CMYA5: variants seen among roughly 807,000 people sequenced by gnomAD.
The protein encoded by CMYA5 is cardiomyopathy associated 5.
A neutral mutation model predicts 318.9 loss-of-function variants in CMYA5; 246 were observed. The observed-to-expected ratio is 0.77, with a 90% CI of 0.70 to 0.86. The LOEUF is 0.86. Ranked by LOEUF, CMYA5 falls within the 40% of genes least tolerant of loss-of-function variation. The pLI is 0.00. For missense variants in CMYA5, 4,589 were observed against 4,678.2 expected, an observed-to-expected ratio of 0.98 and a Z score of 0.56; for synonymous variants, 1,641 against 1,729.5, an observed-to-expected ratio of 0.95 and a Z score of 1.27.
intron 3 of CMYA5, 90 bp downstream of exon 3, chr5:79,744,012 T>C: frequency 1.6e-6 from 1 of 614,262 alleles, no homozygotes; most frequent in Non-Finnish European, 2.7e-6. Context: ...GACTTGGGGA[T>C]TTTATGCGCA....
chr5:79,729,136 T>C lies in CMYA5; in HGVS notation c.371T>C (p.Ile124Thr), dbSNP rs752109896. ...TCTCCTCCTGGAAATGTTTCCTTTA[T>C]TGTGGATGAAGTGAAAAAGGTTCGG... ...VNSPPGNVSF[I>T]VDEVKKVRKR... Residue 124 changes from isoleucine to threonine, a missense_variant, in exon 2 of 13, where the codon ATT (isoleucine) becomes ACT (threonine). Coordinates refer to ENST00000446378, the MANE Select transcript of CMYA5 (RefSeq NM_153610.5). 4.3e-6 allele frequency: 7 copies of C among 1,613,180 alleles called. No individual in the cohort carries two copies. The highest frequency in any genetic ancestry group is 4.5e-5 in the East Asian group (2 of 44,884).
chr5:79,739,585 T>C (rs1429610238), intron 2 of CMYA5, among the ~76,000 whole-genome samples, 182 bp downstream of exon 2: 1 of 152,170 alleles, frequency 6.6e-6, no homozygotes, highest in Non-Finnish European at 1.5e-5. Flanking sequence ...CAGACATTCA[T>C]TGAGTACAGC....
Position 79,736,680 on chromosome 5 carries a change from G to C in CMYA5, c.7915G>C (p.Ala2639Pro), listed in dbSNP as rs760250615. 13 of 1,613,468 alleles carry C rather than the reference G, an allele frequency of 8.1e-6. No homozygotes were observed. In the Middle Eastern group the frequency reaches 5.0e-4, roughly 61 times the overall value. ...VEKTKTFLPV[A>P]LSCRDEIENH... ...GAAAACCAAGACTTTCCTGCCGGTGGCTCTTTCTTGTCGTGATGAAATAGA... is the reference window on the plus strand; with the variant it reads ...GAAAACCAAGACTTTCCTGCCGGTGCCTCTTTCTTGTCGTGATGAAATAGA... Residue 2639 changes from alanine (A) to proline (P), a missense_variant, in exon 2 of 13, where the codon GCT becomes CCT. Ala to Pro is a conservative substitution (Grantham distance 27). Transcript: ENST00000446378.
Position 79,738,231 on chromosome 5 carries a change from C to T in CMYA5, c.9466C>T (p.Pro3156Ser), listed in dbSNP as rs1662537805. 1.9e-5 allele frequency: 31 copies of T among 1,613,498 alleles called. No homozygotes were observed. Among genetic ancestry groups the T allele is most frequent in the Non-Finnish European group, 2.5e-5 (30 of 1,179,756 alleles). ...TGTGGACTCAAAGTCACCGGGGATG[C>T]CTTTATTTGAAGCAGAGGAAGGAGT... Reference protein sequence around the residue: ...RDVDSKSPGMPLFEAEEGVLS... With the variant: ...RDVDSKSPGMSLFEAEEGVLS... The change falls in exon 2 of 13, where the codon CCT becomes TCT. Residue 3156 changes from proline (P) to serine (S), a missense_variant. Around this residue, in one of 3 missense-constraint regions of CMYA5, gnomAD observed 2,431 missense variants for 2,495.1 expected, o/e 0.97. Coordinates refer to ENST00000446378, the MANE Select transcript of CMYA5 (RefSeq NM_153610.5).
At position 79,732,616 on chromosome 5, in the gene CMYA5, C is replaced by T. The variant is rs1561208190; in HGVS notation, c.3851C>T (p.Pro1284Leu). 5.0e-6 allele frequency: 8 copies of T among 1,613,262 alleles called. No homozygotes were observed. The highest frequency in any genetic ancestry group is 6.8e-6 in the Non-Finnish European group (8 of 1,179,610). Residue 1284 changes from proline to leucine, a missense_variant, in exon 2 of 13, where the codon CCT becomes CTT. Coordinates refer to ENST00000446378, the MANE Select transcript of CMYA5 (RefSeq NM_153610.5). ...NEPEVIKPYS[P>L]LKETSLSGPE... ...CCTGAAGTAATAAAACCATATTCAC[C>T]TCTAAAGGAAACATCTTTATCTGGA... is the stretch of plus-strand genomic sequence containing the variant.
intron 9 of CMYA5, among the ~76,000 whole-genome samples, chr5:79,777,593 G>A (rs558320906): frequency 1.3e-5 from 2 of 151,888 alleles, no homozygotes; most frequent in African/African-American, 4.8e-5. Context: ...CCAACGTGGT[G>A]AAACCTCATC....
intron 1 of CMYA5, among the ~76,000 whole-genome samples, chr5:79,713,127 T>G (rs900037954): frequency 1.3e-5 from 2 of 152,228 alleles, no homozygotes; most frequent in Non-Finnish European, 2.9e-5. Context: ...TGAGTGTCTT[T>G]TCTCACTCTT....
At chr5:79,717,996 C>A (rs1207038305) in intron 1 of CMYA5, among the ~76,000 whole-genome samples, 2 of 63,450 alleles carry the variant, frequency 3.2e-5, no homozygotes, top group African/African-American at 2.0e-4. Flanking sequence ...TCACGCCATT[C>A]TCCTGCCTCA....
chr5:79,747,034 C>A, intron 4 of CMYA5, 57 bp from the exon 5 acceptor site: 1 of 1,049,984 alleles, frequency 9.5e-7, no homozygotes, highest in Non-Finnish European at 1.4e-6. Context: ...TTCTCTCTCT[C>A]TTTCTCTCTC....
At chr5:79,771,085 A>C (rs977369113) in intron 9 of CMYA5, among the ~76,000 whole-genome samples, 3 of 152,014 alleles carry the variant, frequency 2.0e-5, no homozygotes, top group Admixed American at 2.0e-4. Context: ...AAAAAAAAAA[A>C]ACCAGACTTT....
chr5:79,722,232 C>A (rs898996302), intron 1 of CMYA5, among the ~76,000 whole-genome samples: 1 of 152,052 alleles, frequency 6.6e-6, no homozygotes, highest in African/African-American at 2.4e-5. Context: ...TATGAAATCA[C>A]AAAGGAAATT....
chr5:79,720,397 A>G (rs1827599205), intron 1 of CMYA5, among the ~76,000 whole-genome samples: 1 of 151,602 alleles, frequency 6.6e-6, no homozygotes, highest in South Asian at 2.1e-4. Context: ...GATATTTTTC[A>G]AGTGCTAAGA....
chr5:79,693,768 T>C (rs961721021), intron 1 of CMYA5, among the ~76,000 whole-genome samples: 13 of 152,230 alleles, frequency 8.5e-5, no homozygotes, highest in African/African-American at 3.1e-4. Flanking sequence ...AGAGACTTCC[T>C]AGGCACAAGG....
At chr5:79,754,823 C>G (rs1259699937) in intron 6 of CMYA5, among the ~76,000 whole-genome samples, 1 of 152,210 alleles carries the variant, frequency 6.6e-6, no homozygotes, top group Non-Finnish European at 1.5e-5. Flanking sequence ...TAAACACTAA[C>G]TCTCCATATT....
chr5:79,799,267 A>G (rs569349529), intron 12 of CMYA5, 103 bp from the exon 13 acceptor site: 158 of 1,163,282 alleles, frequency 1.4e-4, no homozygotes, highest in Non-Finnish European at 1.9e-4. Flanking sequence ...CTTATTGTGA[A>G]GTGGAGTTAA....
At chr5:79,793,145 C>T (rs1269222861) in intron 11 of CMYA5, among the ~76,000 whole-genome samples, 1 of 152,164 alleles carries the variant, frequency 6.6e-6, no homozygotes, top group Non-Finnish European at 1.5e-5. Flanking sequence ...TTTGTCCTAC[C>T]ATTATTCTAG....
chr5:79,793,345 C>A, intron 11 of CMYA5, 92 bp from the exon 12 acceptor site: 1 of 1,286,040 alleles, frequency 7.8e-7, no homozygotes, highest in Non-Finnish European at 1.1e-6. Context: ...CAGAATCCTG[C>A]CTAAACTGTG....
At chr5:79,739,463 T>C in intron 2 of CMYA5, 60 bp downstream of exon 2, 1 of 1,221,936 alleles carries the variant, frequency 8.2e-7, no homozygotes, top group African/African-American at 1.5e-5. Flanking sequence ...AATTTGCTTT[T>C]ACATTTTCTC....
chr5:79,731,405 T>A lies in CMYA5; in HGVS notation c.2640T>A (p.Val880=). Residue 880 remains valine, a synonymous_variant, in exon 2 of 13, where the codon GTT becomes GTA. Transcript: ENST00000446378. ...PPLSATPSEY[V]VLSDEEAVEL... Reference sequence around the variant, plus strand: ...TTTCAGCCACCCCATCTGAATATGTTGTTCTATCAGACGAAGAGGCAGTCG... The same window carrying A: ...TTTCAGCCACCCCATCTGAATATGTAGTTCTATCAGACGAAGAGGCAGTCG... 1 of 1,613,778 alleles carries A rather than the reference T, an allele frequency of 6.2e-7. No individual in the cohort carries two copies. The highest frequency in any genetic ancestry group is 1.7e-4 in the Middle Eastern group (1 of 6,060).
Sources: allele counts gnomAD v4.1 joint callset (sites outside exome capture counted in the v4.1 genomes callset), GRCh38; gene constraint gnomAD v4.1.1; regional missense constraint gnomAD v4.1.1; transcripts MANE v1.5; gene names NCBI Gene and HGNC (gene_info 2026-07-23, HGNC 2026-07-21).